Variants in STX18 observed in about 807,000 individuals in gnomAD.
The protein encoded by STX18 is syntaxin-18.
In STX18, 40 loss-of-function variants were observed where a neutral mutation model predicts 50.1. The ratio of observed to expected loss-of-function variants is 0.80; its 90% confidence interval spans 0.62 to 1.04. The LOEUF (loss-of-function observed/expected upper bound fraction) is 1.04. STX18 is among the 50% of genes least tolerant of loss of function. STX18 has a pLI of 0.00. For synonymous variants in STX18, 158 were observed against 151.8 expected (o/e 1.04, Z -0.30); for missense variants, 410 against 415.8 (o/e 0.99, Z 0.12).
chr4:4,449,678 T>C (rs1726643771), intron 5 of STX18, among the ~76,000 whole-genome samples: 2 of 152,228 alleles, frequency 1.3e-5, no homozygotes, highest in Admixed American at 1.3e-4. Context: ...TGGTGACTGC[T>C]AGGCTTCCCC....
intron 5 of STX18, among the ~76,000 whole-genome samples, chr4:4,447,285 CCCA>C (rs1726459544): frequency 6.6e-6 from 1 of 151,960 alleles, no homozygotes; most frequent in Non-Finnish European, 1.5e-5. Context: ...AGCCTGTTTT[CCCA>C]CCTATAAAAT....
chr4:4,471,190 G>T (rs911909671), intron 2 of STX18, among the ~76,000 whole-genome samples: 1 of 152,214 alleles, frequency 6.6e-6, no homozygotes, highest in Non-Finnish European at 1.5e-5. Context: ...ATCCAGCGAC[G>T]TGAGGGTAAG....
chr4:4,532,862 T>G (rs998550099), intron 1 of STX18, among the ~76,000 whole-genome samples: 6 of 152,250 alleles, frequency 3.9e-5, no homozygotes, highest in Non-Finnish European at 4.4e-5. Flanking sequence ...AAAAGGCAAG[T>G]GTTCATTTCA....
intron 5 of STX18, among the ~76,000 whole-genome samples, chr4:4,451,413 C>T (rs950534416): frequency 6.6e-6 from 1 of 152,176 alleles, no homozygotes; most frequent in African/African-American, 2.4e-5. Context: ...TACAGCCGTA[C>T]CTTGTTTCAG....
At chr4:4,497,708 A>G (rs1036961867) in intron 1 of STX18, among the ~76,000 whole-genome samples, 1 of 152,208 alleles carries the variant, frequency 6.6e-6, no homozygotes, top group Non-Finnish European at 1.5e-5. Flanking sequence ...TGTCTCTAGA[A>G]TCTTTACACC....
intron 1 of STX18, among the ~76,000 whole-genome samples, chr4:4,529,421 G>A (rs937464798): frequency 1.3e-5 from 2 of 152,202 alleles, no homozygotes; most frequent in African/African-American, 2.4e-5. Context: ...AGGTTGGTTT[G>A]GAAGCAGCCA....
At chr4:4,484,134 T>C (rs990649652) in intron 1 of STX18, among the ~76,000 whole-genome samples, 2 of 152,136 alleles carry the variant, frequency 1.3e-5, no homozygotes, top group Non-Finnish European at 2.9e-5. Context: ...AGTGCTGGGA[T>C]TACAGGTGTG....
rs75026969 is a variant in STX18, at chr4:4,460,354, G to T, written c.237-867C>A. Among the ~76,000 whole-genome samples the T allele has an allele frequency of 6.5e-3, 991 of 152,228 alleles. 8 individuals carry two copies. The highest frequency in any genetic ancestry group is 0.022 in the African/African-American group (922 of 41,528). ...GAGAATATGCTTGATACACAGCTAC[G>T]ACTGTGCTCCCTAGTAAGTTCCTCC... is the stretch of plus-strand genomic sequence containing the variant. On this transcript the variant is annotated intron_variant, in intron 2 of 10. Transcript: ENST00000306200.
chr4:4,472,473 C>T (rs553653111), intron 1 of STX18, among the ~76,000 whole-genome samples: 12 of 152,316 alleles, frequency 7.9e-5, no homozygotes, highest in African/African-American at 2.4e-4. Flanking sequence ...CTCCAGCTTC[C>T]GACTCACACA....
At chr4:4,459,062 G>GCACGCACACA (rs1553837175) in intron 3 of STX18, among the ~76,000 whole-genome samples, 1 of 144,282 alleles carries the variant, frequency 6.9e-6, no homozygotes, top group African/African-American at 2.5e-5. Context: ...ACACACACAC[G>GCACGCACACA]CACACACACA....
At chr4:4,493,167 T>C (rs1729015399) in intron 1 of STX18, among the ~76,000 whole-genome samples, 1 of 152,224 alleles carries the variant, frequency 6.6e-6, no homozygotes, top group Non-Finnish European at 1.5e-5. Context: ...TCAAAGTCTT[T>C]GGAGAGGCCT....
chr4:4,452,040 A>G (rs1726780348), intron 5 of STX18, among the ~76,000 whole-genome samples: 1 of 152,254 alleles, frequency 6.6e-6, no homozygotes. Context: ...ATGATAAGAA[A>G]GCAAAACAGC....
intron 5 of STX18, 40 bp downstream of exon 5, chr4:4,457,151 C>A (rs781186059): frequency 6.5e-7 from 1 of 1,547,816 alleles, no homozygotes; most frequent in Admixed American, 1.7e-5. Context: ...ATTAGTAGTA[C>A]TATTATTAAT....
intron 2 of STX18, 116 bp downstream of exon 2, chr4:4,471,523 T>A: frequency 1.6e-6 from 1 of 636,204 alleles, no homozygotes; most frequent in Non-Finnish European, 2.6e-6. Flanking sequence ...CAAACTGGTC[T>A]TCCTCATTAC....
chr4:4,498,775 T>G (rs1729305542), intron 1 of STX18, among the ~76,000 whole-genome samples: 2 of 152,158 alleles, frequency 1.3e-5, no homozygotes, highest in African/African-American at 4.8e-5. Context: ...AAGAAAAAGA[T>G]CTAGGTTTTT....
chr4:4,458,982 A>G (rs1727224063), intron 3 of STX18, among the ~76,000 whole-genome samples: 1 of 152,096 alleles, frequency 6.6e-6, no homozygotes, highest in African/African-American at 2.4e-5. Flanking sequence ...ACTAAATGCC[A>G]CACAGAACAG....
At chr4:4,501,208 T>C (rs1729441864) in intron 1 of STX18, among the ~76,000 whole-genome samples, 1 of 152,210 alleles carries the variant, frequency 6.6e-6, no homozygotes, top group African/African-American at 2.4e-5. Context: ...TGTCTGATTT[T>C]GTCATTCCTT....
At chr4:4,472,655 T>G (rs1727980034) in intron 1 of STX18, among the ~76,000 whole-genome samples, 1 of 152,366 alleles carries the variant, frequency 6.6e-6, no homozygotes, top group Non-Finnish European at 1.5e-5. Flanking sequence ...TTCATGGCCA[T>G]GTACTCTGAC....
At chr4:4,424,852 G>A (rs1039016442) in intron 8 of STX18, among the ~76,000 whole-genome samples, 16 of 152,134 alleles carry the variant, frequency 1.1e-4, no homozygotes, top group African/African-American at 3.6e-4. Context: ...GAGTCGCTGC[G>A]TGGAAACAGC....
Sources: allele counts gnomAD v4.1 joint callset (sites outside exome capture counted in the v4.1 genomes callset), GRCh38; gene constraint gnomAD v4.1.1; transcripts MANE v1.5; gene names NCBI Gene and HGNC (gene_info 2026-07-23, HGNC 2026-07-21).